TENM3: variants seen among roughly 807,000 people sequenced by gnomAD.
TENM3 encodes teneurin-3.
Under a neutral mutation model 255.1 loss-of-function variants are expected in TENM3, and 63 were observed. The ratio of observed to expected loss-of-function variants is 0.25; its 90% confidence interval spans 0.20 to 0.30. The LOEUF (loss-of-function observed/expected upper bound fraction) is 0.30, where lower values mean the gene tolerates loss of function less well. Ranked by LOEUF, TENM3 falls within the 10% of genes least tolerant of loss-of-function variation. The probability of loss-of-function intolerance (pLI) is 1.00; values close to 1 mark genes in which losing one functional copy is unlikely to be tolerated. For synonymous variants in TENM3, 1,306 were observed against 1,322.3 expected (o/e 0.99, Z 0.27); for missense variants, 2,929 against 3,461.1 (o/e 0.85, Z 3.86).
chr4:182,775,465 CTA>C (rs1375466771), intron 24 of TENM3, among the ~76,000 whole-genome samples: 1 of 152,204 alleles, frequency 6.6e-6, no homozygotes, highest in African/African-American at 2.4e-5. Flanking sequence ...TTTCACAGAG[CTA>C]TGGTCCATTC....
At chr4:182,446,534 C>T (rs1202721868) in intron 3 of TENM3, among the ~76,000 whole-genome samples, 1 of 152,070 alleles carries the variant, frequency 6.6e-6, no homozygotes, top group Non-Finnish European at 1.5e-5. Context: ...TGCATTCGAA[C>T]GTTCTAGTCC....
At chr4:181,481,316 C>T in the TENM3 span, among the ~76,000 whole-genome samples, 1 of 152,074 alleles carries the variant, frequency 6.6e-6, no homozygotes, top group Non-Finnish European at 1.5e-5. Context: ...CATGCCGATG[C>T]TATCCAGGCT....
the TENM3 span, among the ~76,000 whole-genome samples, chr4:182,069,417 G>A: frequency 6.6e-6 from 1 of 152,090 alleles, no homozygotes; most frequent in East Asian, 1.9e-4. Flanking sequence ...TAGAAGAGAT[G>A]AGCAGGAAGG....
the TENM3 span, among the ~76,000 whole-genome samples, chr4:181,547,769 T>C: frequency 6.6e-6 from 1 of 152,176 alleles, no homozygotes; most frequent in Non-Finnish European, 1.5e-5. Flanking sequence ...ATCCCAACTT[T>C]TTTTTTACCT....
chr4:182,469,772 C>G (rs1732946952), intron 3 of TENM3, among the ~76,000 whole-genome samples: 1 of 151,004 alleles, frequency 6.6e-6, no homozygotes, highest in Non-Finnish European at 1.5e-5. Context: ...CCAGTATTCT[C>G]TCCATTATAC....
the TENM3 span, among the ~76,000 whole-genome samples, chr4:181,526,787 C>A: frequency 3.3e-5 from 5 of 152,180 alleles, no homozygotes; most frequent in African/African-American, 1.2e-4. Context: ...CAGTTAATTT[C>A]TTCTGTCTTC....
chr4:182,753,759 TA>T (rs1762529598), intron 21 of TENM3, among the ~76,000 whole-genome samples, 155 bp downstream of exon 21: 1 of 152,228 alleles, frequency 6.6e-6, no homozygotes, highest in South Asian at 2.1e-4. Flanking sequence ...CAGGAGCTAA[TA>T]AAAAGTTATT....
the TENM3 span, chr4:181,522,670 A>G: frequency 3.2e-6 from 2 of 627,834 alleles, no homozygotes; most frequent in Non-Finnish European, 6.1e-6. Context: ...AAAATGCAGA[A>G]TGATGTGGAC....
intron 3 of TENM3, among the ~76,000 whole-genome samples, chr4:182,527,265 T>C (rs1046555353): frequency 2.6e-5 from 4 of 152,238 alleles, no homozygotes. Context: ...TTTAACTTTC[T>C]GAAATTGGGA....
chr4:182,784,348 C>T (rs918385311), intron 24 of TENM3, among the ~76,000 whole-genome samples: 1 of 152,118 alleles, frequency 6.6e-6, no homozygotes, highest in Non-Finnish European at 1.5e-5. Flanking sequence ...TGGGGGGTGC[C>T]TCCCAGTTAG....
the TENM3 span, among the ~76,000 whole-genome samples, chr4:181,598,765 T>C: frequency 3.9e-5 from 6 of 151,980 alleles, no homozygotes; most frequent in Non-Finnish European, 7.4e-5. Flanking sequence ...CTGACCAGAA[T>C]GAAAATATGA....
intron 3 of TENM3, among the ~76,000 whole-genome samples, chr4:182,452,465 C>A (rs965956089): frequency 6.6e-6 from 1 of 152,094 alleles, no homozygotes; most frequent in African/African-American, 2.4e-5. Flanking sequence ...GTCACAAATA[C>A]AAGCTGCGGA....
chr4:182,650,553 G>A (rs1369723516), intron 5 of TENM3, among the ~76,000 whole-genome samples: 1 of 149,592 alleles, frequency 6.7e-6, no homozygotes, highest in African/African-American at 2.4e-5. Flanking sequence ...AATTTCTGTA[G>A]CATTCTTGAC....
the TENM3 span, among the ~76,000 whole-genome samples, chr4:181,827,425 G>A: frequency 6.6e-6 from 1 of 152,180 alleles, no homozygotes; most frequent in South Asian, 2.1e-4. Flanking sequence ...AGAAGCCAGC[G>A]TGGCTCCGTG....
At chr4:182,725,315 T>G (rs908291508) in intron 13 of TENM3, among the ~76,000 whole-genome samples, 1 of 152,150 alleles carries the variant, frequency 6.6e-6, no homozygotes, top group African/African-American at 2.4e-5. Context: ...CATCAGCCAC[T>G]GTGCCTGGCT....
intron 1 of TENM3, among the ~76,000 whole-genome samples, chr4:182,274,437 G>C (rs1431213214): frequency 1.3e-5 from 2 of 152,282 alleles, no homozygotes; most frequent in Middle Eastern, 3.4e-3. Flanking sequence ...GCAACAAAAA[G>C]ATGTCCTTGG....
chr4:182,104,503 C>CTTT, the TENM3 span, among the ~76,000 whole-genome samples: 4 of 66,138 alleles, frequency 6.0e-5, no homozygotes, highest in Non-Finnish European at 8.1e-5. Flanking sequence ...ACTGTTGACT[C>CTTT]TTTTTTTTTT....
At chr4:181,632,970 T>G in the TENM3 span, among the ~76,000 whole-genome samples, 1 of 152,108 alleles carries the variant, frequency 6.6e-6, no homozygotes, top group Non-Finnish European at 1.5e-5. Flanking sequence ...AGAAGTAGAG[T>G]GCTAAAATAG....
intron 1 of TENM3, chr4:182,145,112 C>A (rs996872734): frequency 6.6e-6 from 1 of 152,240 alleles, no homozygotes; most frequent in Non-Finnish European, 1.5e-5. Context: ...AGGTCCTCTT[C>A]GGCCCCCGAT....
Sources: allele counts gnomAD v4.1 joint callset (sites outside exome capture counted in the v4.1 genomes callset), GRCh38; gene constraint gnomAD v4.1.1; transcripts MANE v1.5; gene names NCBI Gene and HGNC (gene_info 2026-07-23, HGNC 2026-07-21).